The following GNA12 variants were observed in gnomAD, a reference collection of about 807,000 sequenced individuals.
The protein encoded by GNA12 is G protein subunit alpha 12.
GNA12 carries 9 observed loss-of-function variants against 26.0 expected under a neutral mutation model. The observed-to-expected ratio is 0.35, with a 90% CI of 0.21 to 0.60. GNA12 has a LOEUF of 0.60. GNA12 is among the 20% of genes least tolerant of loss of function. GNA12 has a pLI of 0.78. For missense variants in GNA12, 405 were observed against 525.8 expected, an observed-to-expected ratio of 0.77 and a Z score of 2.25; for synonymous variants, 264 against 219.6, an observed-to-expected ratio of 1.20 and a Z score of -1.79.
At chr7:2,837,547 A>C (rs1214078715) in intron 1 of GNA12, among the ~76,000 whole-genome samples, 2 of 152,244 alleles carry the variant, frequency 1.3e-5, no homozygotes, top group Non-Finnish European at 1.5e-5. Context: ...AATCATAATG[A>C]AACTTCTGAA....
intron 2 of GNA12, among the ~76,000 whole-genome samples, chr7:2,779,303 G>A (rs931634194): frequency 1.3e-5 from 2 of 152,134 alleles, no homozygotes; most frequent in Non-Finnish European, 2.9e-5. Flanking sequence ...AAACAAGATT[G>A]CGCCACTATA....
chr7:2,756,647 G>A (rs1271851213), intron 2 of GNA12, among the ~76,000 whole-genome samples: 1 of 152,172 alleles, frequency 6.6e-6, no homozygotes, highest in African/African-American at 2.4e-5. Flanking sequence ...GAGAGGATCT[G>A]TGTGATCTTG....
At chr7:2,813,663 G>A (rs767343335) in intron 1 of GNA12, among the ~76,000 whole-genome samples, 5 of 151,966 alleles carry the variant, frequency 3.3e-5, no homozygotes, top group Non-Finnish European at 2.9e-5. Flanking sequence ...ATCGCCCCAT[G>A]TGAGCTGTCA....
At chr7:2,841,764 G>C (rs1409361363) in intron 1 of GNA12, among the ~76,000 whole-genome samples, 1 of 152,158 alleles carries the variant, frequency 6.6e-6, no homozygotes, top group African/African-American at 2.4e-5. Flanking sequence ...TTCATCTCTA[G>C]GGCTGAGGCA....
rs149146711 is a variant in GNA12 at position 2,735,070 on chromosome 7, C to T, written c.526-1569G>A. Among the ~76,000 whole-genome samples the T allele has an allele frequency of 3.7e-3, 557 of 152,256 alleles. 3 individuals are homozygous for T. The highest frequency in any genetic ancestry group is 0.013 in the African/African-American group (526 of 41,552). On this transcript the variant is annotated intron_variant, in intron 2 of 3. Coordinates refer to ENST00000275364, the MANE Select transcript of GNA12 (RefSeq NM_007353.3). ...CCTCTGCACATCATGCCTCCTTCCA[C>T]ACCCTGACAGGAAGCAGCTGGGAGA... is the stretch of plus-strand genomic sequence containing the variant.
intron 2 of GNA12, among the ~76,000 whole-genome samples, chr7:2,771,977 C>T (rs1361893935): frequency 6.6e-6 from 1 of 152,226 alleles, no homozygotes; most frequent in East Asian, 1.9e-4. Flanking sequence ...CCTAGGAGAG[C>T]ATGTGGTGTC....
At chr7:2,840,797 T>C (rs2114983268) in intron 1 of GNA12, among the ~76,000 whole-genome samples, 1 of 152,214 alleles carries the variant, frequency 6.6e-6, no homozygotes, top group East Asian at 1.9e-4. Flanking sequence ...AAGGCCACAG[T>C]GAGCCATAAT....
chr7:2,833,595 C>T (rs1392766034), intron 1 of GNA12, among the ~76,000 whole-genome samples: 1 of 152,184 alleles, frequency 6.6e-6, no homozygotes, highest in Non-Finnish European at 1.5e-5. Flanking sequence ...AGGAGTCTCT[C>T]TGGACTTAGT....
intron 1 of GNA12, among the ~76,000 whole-genome samples, chr7:2,843,042 TTTGGGAGGCCCAG>T (rs1779046064): frequency 6.6e-6 from 1 of 152,160 alleles, no homozygotes; most frequent in Non-Finnish European, 1.5e-5. Context: ...ATCTCAGCAC[TTTGGGAGGCCCAG>T]GTGGGAGGAT....
intron 2 of GNA12, among the ~76,000 whole-genome samples, chr7:2,782,103 G>A (rs887589842): frequency 6.6e-6 from 1 of 152,170 alleles, no homozygotes; most frequent in Non-Finnish European, 1.5e-5. Context: ...GTGTCCACAT[G>A]TAGAAGAATG....
chr7:2,814,951 T>C (rs540832517), intron 1 of GNA12: 1 of 1,574,998 alleles, frequency 6.3e-7, no homozygotes, highest in Non-Finnish European at 8.6e-7. Context: ...TACAATACAG[T>C]AGGCGCTCTG....
chr7:2,830,904 G>A (rs892911200), intron 1 of GNA12, among the ~76,000 whole-genome samples: 3 of 151,834 alleles, frequency 2.0e-5, no homozygotes, highest in East Asian at 1.9e-4. Context: ...TTGCACCACT[G>A]CACATCAGCC....
chr7:2,748,863 C>A (rs1466011477), intron 2 of GNA12, among the ~76,000 whole-genome samples: 1 of 152,156 alleles, frequency 6.6e-6, no homozygotes, highest in African/African-American at 2.4e-5. Context: ...CATGAACAGA[C>A]ACTTCTCAAA....
rs1452991588 is a variant in GNA12 at position 2,766,639 on chromosome 7, G to C, written c.525+28289C>G. ...GACCTCAAGCAATCCACCCACCTCG[G>C]TCTCCCAAAGTGCTGGGATTACAGG... On this transcript the variant is annotated intron_variant, in intron 2 of 3. Coordinates refer to ENST00000275364, the MANE Select transcript of GNA12 (RefSeq NM_007353.3). Among the ~76,000 whole-genome samples the C allele has an allele frequency of 2.6e-5, 4 of 152,052 alleles. No homozygotes were observed. The South Asian group carries it at 6.3e-4, about 24-fold the overall frequency.
At chr7:2,739,606 G>A (rs561658731) in intron 2 of GNA12, among the ~76,000 whole-genome samples, 2 of 152,222 alleles carry the variant, frequency 1.3e-5, no homozygotes, top group Non-Finnish European at 2.9e-5. Context: ...CTGTGTGGAA[G>A]TTTTTGCTTG....
intron 2 of GNA12, among the ~76,000 whole-genome samples, chr7:2,742,889 C>A (rs1347488236): frequency 6.6e-6 from 1 of 152,224 alleles, no homozygotes; most frequent in Non-Finnish European, 1.5e-5. Flanking sequence ...TGTGCCTAGT[C>A]ACCCTGCTAA....
rs552103184 is a variant in GNA12, at chr7:2,822,242, C to T, written c.309+21611G>A. Among the ~76,000 whole-genome samples the T allele has an allele frequency of 5.3e-5, 8 of 152,178 alleles. No individual in the cohort carries two copies. In the South Asian group the frequency reaches 1.0e-3, roughly 20 times the overall value. ...TCTTCGTACGTTTTCAACCATACAG[C>T]GGCAGCGACTGGAGTGGTTGTTTTG... On this transcript the variant is annotated intron_variant, in intron 1 of 3. Transcript: ENST00000275364.
Position 2,815,605 on chromosome 7 carries a change from A to T in GNA12, c.310-20462T>A, listed in dbSNP as rs574024938. ...AAATTACTCAAACCAGCCAATCCTA[A>T]ACCGCGGATGCTGCCTTGCCCATTT... is the stretch of plus-strand genomic sequence containing the variant. On this transcript the variant is annotated intron_variant, in intron 1 of 3. Transcript: ENST00000275364. Among the ~76,000 whole-genome samples, 10 of 152,298 alleles carry T rather than the reference A, an allele frequency of 6.6e-5. No individual in the cohort carries two copies. The East Asian group carries it at 1.9e-3, about 29-fold the overall frequency.
intron 2 of GNA12, among the ~76,000 whole-genome samples, chr7:2,742,594 C>G (rs1033734984): frequency 6.6e-6 from 1 of 152,176 alleles, no homozygotes; most frequent in Admixed American, 6.5e-5. Context: ...CACTGAGTCT[C>G]GCCGGCCCTT....
Sources: allele counts gnomAD v4.1 joint callset (sites outside exome capture counted in the v4.1 genomes callset), GRCh38; gene constraint gnomAD v4.1.1; transcripts MANE v1.5; gene names NCBI Gene and HGNC (gene_info 2026-07-23, HGNC 2026-07-21).